The following POU6F2 variants were observed in gnomAD, a reference collection of about 807,000 sequenced individuals.
The protein encoded by POU6F2 is POU domain, class 6, transcription factor 2.
POU6F2 carries 31 observed loss-of-function variants against 71.3 expected under a neutral mutation model. The ratio of observed to expected loss-of-function variants is 0.43; its 90% CI spans 0.33 to 0.59. The LOEUF (loss-of-function observed/expected upper bound fraction) is 0.59, where lower values mean the gene tolerates loss of function less well. Ranked by LOEUF, POU6F2 falls within the 20% of genes least tolerant of loss-of-function variation. The pLI is 0.04. For synonymous variants in POU6F2, 347 were observed against 355.7 expected (o/e 0.98, Z 0.27); for missense variants, 783 against 856.8 (o/e 0.91, Z 1.07).
At chr7:39,042,261 C>T (rs879540643) in intron 1 of POU6F2, among the ~76,000 whole-genome samples, 1 of 151,910 alleles carries the variant, frequency 6.6e-6, no homozygotes, top group African/African-American at 2.4e-5. Flanking sequence ...AATGCTACTC[C>T]CCACTGTGGC....
chr7:39,031,516 T>G (rs957916130), intron 1 of POU6F2, among the ~76,000 whole-genome samples: 1 of 152,176 alleles, frequency 6.6e-6, no homozygotes, highest in Non-Finnish European at 1.5e-5. Flanking sequence ...AGTATTTTAT[T>G]TACCCACCAG....
intron 1 of POU6F2, among the ~76,000 whole-genome samples, chr7:39,004,586 T>C (rs904931790): frequency 2.2e-4 from 34 of 152,182 alleles, no homozygotes; most frequent in Non-Finnish European, 4.4e-4. Context: ...GAGGAGGCCC[T>C]CAATAAATAA....
intron 1 of POU6F2, among the ~76,000 whole-genome samples, chr7:39,020,116 A>G (rs544403130): frequency 6.6e-6 from 1 of 152,110 alleles, no homozygotes; most frequent in Non-Finnish European, 1.5e-5. Context: ...AGACCCCCCA[A>G]AAAAGCTAGC....
At chr7:39,316,611 A>G (rs999214985) in intron 4 of POU6F2, among the ~76,000 whole-genome samples, 2 of 152,198 alleles carry the variant, frequency 1.3e-5, no homozygotes, top group Non-Finnish European at 2.9e-5. Flanking sequence ...TATGTTCCAT[A>G]TAAGACTTAT....
intron 7 of POU6F2, among the ~76,000 whole-genome samples, chr7:39,444,045 G>A (rs1166034298): frequency 6.6e-6 from 1 of 152,184 alleles, no homozygotes; most frequent in Non-Finnish European, 1.5e-5. Context: ...TAAAAGTAAT[G>A]ACATCTTTAA....
Position 39,464,142 on chromosome 7 carries a change from A to G in POU6F2, c.1659-40A>G. On this transcript the variant is annotated intron_variant, in intron 9 of 9. Coordinates refer to ENST00000518318, the MANE Select transcript of POU6F2 (RefSeq NM_001370959.1). The surrounding 1 kb of genome is among the most constrained non-coding windows in gnomAD (Gnocchi z 4.1). ...GGCAGGAGGCCCACCCTGGCAGAGG[A>G]CTCAGTGTAAGACTGTTCTTTCTCA... 6.3e-7 allele frequency: 1 copy of G among 1,580,296 alleles called. No homozygotes were observed. The highest frequency in any genetic ancestry group is 2.3e-5 in the East Asian group (1 of 44,392).
chr7:39,369,250 C>T (rs1359850517), intron 5 of POU6F2, among the ~76,000 whole-genome samples: 2 of 152,192 alleles, frequency 1.3e-5, no homozygotes, highest in African/African-American at 4.8e-5. Flanking sequence ...GCCCAACCTC[C>T]AGCAACCACC....
chr7:39,226,721 C>G (rs1224935542), intron 4 of POU6F2, among the ~76,000 whole-genome samples: 1 of 152,106 alleles, frequency 6.6e-6, no homozygotes, highest in African/African-American at 2.4e-5. Context: ...GCCCATTTTT[C>G]TCCCTTTTTA....
Position 39,006,361 on chromosome 7 carries a change from G to T in POU6F2, c.105+28303G>T, listed in dbSNP as rs144490407. 8.9e-3 allele frequency among the ~76,000 whole-genome samples: 1,354 copies of T among 152,250 alleles called. 20 individuals carry two copies. Among genetic ancestry groups the T allele is most frequent in the African/African-American group, 0.031 (1,292 of 41,532 alleles). On this transcript the variant is annotated intron_variant, in intron 1 of 9. Transcript: ENST00000518318. ...CACCTGTAATCCCAGCTACTCAGGA[G>T]GGTGAGGCAGGAGAATTGCTTGAAC...
At chr7:39,428,894 C>T (rs549827080) in intron 6 of POU6F2, among the ~76,000 whole-genome samples, 3 of 140,512 alleles carry the variant, frequency 2.1e-5, no homozygotes, top group African/African-American at 5.3e-5. Flanking sequence ...ATGTTCTCGT[C>T]ATAGGTGGGA....
chr7:39,190,165 G>C (rs1793631932), intron 2 of POU6F2, among the ~76,000 whole-genome samples: 1 of 151,948 alleles, frequency 6.6e-6, no homozygotes. Context: ...CAAAGTGCTG[G>C]GATTACAGGT....
chr7:39,257,855 C>T (rs1008444741), intron 4 of POU6F2, among the ~76,000 whole-genome samples: 9 of 151,646 alleles, frequency 5.9e-5, no homozygotes, highest in African/African-American at 2.2e-4. Flanking sequence ...GGCACTGCCA[C>T]ACTTACTCTA....
At chr7:39,407,166 C>CA (rs562706061) in intron 6 of POU6F2, among the ~76,000 whole-genome samples, 4 of 151,682 alleles carry the variant, frequency 2.6e-5, no homozygotes, top group Non-Finnish European at 5.9e-5. Flanking sequence ...AGAGAGATAT[C>CA]AAAATTAGTC....
chr7:39,301,676 C>T (rs4236358), intron 4 of POU6F2, among the ~76,000 whole-genome samples: 69,529 of 151,976 alleles, frequency 0.46, 16,745 homozygotes, highest in Admixed American at 0.59. Context: ...GCCCTTATTC[C>T]AGTCACTAAT....
intron 1 of POU6F2, among the ~76,000 whole-genome samples, chr7:39,033,121 T>A (rs1301237254): frequency 1.3e-5 from 2 of 152,156 alleles, no homozygotes; most frequent in Non-Finnish European, 2.9e-5. Flanking sequence ...TCAAAGCATA[T>A]CACACCCCAG....
At chr7:39,121,315 A>G (rs190186049) in intron 2 of POU6F2, among the ~76,000 whole-genome samples, 2 of 152,340 alleles carry the variant, frequency 1.3e-5, no homozygotes, top group Admixed American at 1.3e-4. Flanking sequence ...ATGAAATGCA[A>G]TAATAATCCA....
chr7:39,408,250 C>A (rs1787482393), intron 6 of POU6F2, among the ~76,000 whole-genome samples: 1 of 152,176 alleles, frequency 6.6e-6, no homozygotes, highest in African/African-American at 2.4e-5. Flanking sequence ...AGATAGAAAC[C>A]ATATCCACCG....
rs137965939 is a variant in POU6F2 at position 39,341,060 on chromosome 7, G to A, written c.972+1045G>A. ...GGTGGGTATAAACCTCAGTCAGTCC[G>A]GCTCTCCCCAGCCTGAGAATGACAG... On this transcript the variant is annotated intron_variant, in intron 5 of 9. Transcript: ENST00000518318. 7.0e-3 allele frequency among the ~76,000 whole-genome samples: 1,069 copies of A among 152,254 alleles called. 39 individuals carry two copies. The highest frequency in any genetic ancestry group is 0.065 in the Admixed American group (996 of 15,286).
At chr7:39,314,282 C>T (rs1465855677) in intron 4 of POU6F2, among the ~76,000 whole-genome samples, 1 of 151,944 alleles carries the variant, frequency 6.6e-6, no homozygotes, top group Non-Finnish European at 1.5e-5. Context: ...AGGAGGAATT[C>T]ATTTGCTGTA....
Sources: gnomAD v4.1 joint callset for allele counts (sites outside exome capture counted in the v4.1 genomes callset) on GRCh38, gnomAD v4.1.1 for gene constraint, Gnocchi (gnomAD v3.1) non-coding constraint, MANE v1.5 for transcripts, NCBI Gene and HGNC (gene_info 2026-07-23, HGNC 2026-07-21) for gene names.